The following THSD7A variants were observed in gnomAD, a reference collection of about 807,000 sequenced individuals.
THSD7A encodes the protein thrombospondin type 1 domain containing 7A.
In THSD7A, 96 loss-of-function variants were observed where a neutral mutation model predicts 231.3. That is an observed-to-expected ratio of 0.41 (90% CI 0.35 to 0.49). THSD7A has a LOEUF of 0.49. Among genes scored for constraint, THSD7A ranks in the 20% least tolerant of loss-of-function variants. THSD7A has a pLI of 0.05. For missense variants in THSD7A, 2,290 were observed against 2,070.2 expected (o/e 1.11, Z -2.06); for synonymous variants, 940 against 743.3 (o/e 1.26, Z -4.30).
At chr7:11,717,650 A>G (rs1444647005) in intron 1 of THSD7A, among the ~76,000 whole-genome samples, 1 of 151,654 alleles carries the variant, frequency 6.6e-6, no homozygotes, top group Admixed American at 6.6e-5. Flanking sequence ...TATCTGTCTA[A>G]TTCCACAGCA....
intron 6 of THSD7A, among the ~76,000 whole-genome samples, chr7:11,489,994 C>A (rs1405365540): frequency 1.3e-5 from 2 of 151,958 alleles, no homozygotes; most frequent in Non-Finnish European, 2.9e-5. Flanking sequence ...TTTTCAAAAC[C>A]CTTTTTATTC....
intron 23 of THSD7A, among the ~76,000 whole-genome samples, chr7:11,391,054 C>T (rs1047061935): frequency 6.6e-6 from 1 of 152,174 alleles, no homozygotes; most frequent in African/African-American, 2.4e-5. Flanking sequence ...AGGTGTCTCC[C>T]AGTCAGGAGA....
intron 4 of THSD7A, among the ~76,000 whole-genome samples, chr7:11,546,385 C>G (rs1312304191): frequency 6.6e-6 from 1 of 152,172 alleles, no homozygotes; most frequent in African/African-American, 2.4e-5. Flanking sequence ...TGCAGTACAG[C>G]AGGTGCTTAA....
At chr7:11,531,320 G>A (rs998325112) in intron 6 of THSD7A, among the ~76,000 whole-genome samples, 1 of 152,206 alleles carries the variant, frequency 6.6e-6, no homozygotes, top group South Asian at 2.1e-4. Context: ...TCTCAACAAA[G>A]CAACATCAGT....
At chr7:11,739,475 G>T (rs1332650828) in intron 1 of THSD7A, among the ~76,000 whole-genome samples, 1 of 151,934 alleles carries the variant, frequency 6.6e-6, no homozygotes. Flanking sequence ...AAGTGGAAAT[G>T]GAGAAAGAAT....
At chr7:11,740,898 T>C (rs75254487) in intron 1 of THSD7A, among the ~76,000 whole-genome samples, 7,481 of 152,062 alleles carry the variant, frequency 0.049, 204 homozygotes, top group East Asian at 0.14. Flanking sequence ...TACATAAATA[T>C]TTGCAGTATT....
chr7:11,380,788 G>C (rs980766961), intron 24 of THSD7A, among the ~76,000 whole-genome samples: 1 of 152,140 alleles, frequency 6.6e-6, no homozygotes, highest in African/African-American at 2.4e-5. Flanking sequence ...AATGCATATA[G>C]AGCTTAACAC....
intron 1 of THSD7A, among the ~76,000 whole-genome samples, chr7:11,696,364 C>A (rs1780399120): frequency 6.6e-6 from 1 of 151,470 alleles, no homozygotes; most frequent in African/African-American, 2.4e-5. Flanking sequence ...AAAAATATAG[C>A]TGGAAGATAT....
intron 6 of THSD7A, among the ~76,000 whole-genome samples, chr7:11,497,810 G>C (rs1319676042): frequency 6.6e-6 from 1 of 152,116 alleles, no homozygotes; most frequent in Non-Finnish European, 1.5e-5. Flanking sequence ...GACTCACAGA[G>C]AGGGAAGAAA....
At chr7:11,379,030 A>G (rs919267017) in intron 26 of THSD7A, 40 bp downstream of exon 26, 20 of 1,600,446 alleles carry the variant, frequency 1.2e-5, no homozygotes, top group South Asian at 8.9e-5. Context: ...GCCTAAAAGA[A>G]CTAAAGGTTT....
chr7:11,699,474 T>A (rs1342341103), intron 1 of THSD7A, among the ~76,000 whole-genome samples: 1 of 151,240 alleles, frequency 6.6e-6, no homozygotes, highest in African/African-American at 2.4e-5. Flanking sequence ...AATTTTCTTA[T>A]CAGTTTGTTT....
intron 1 of THSD7A, among the ~76,000 whole-genome samples, chr7:11,828,531 T>A (rs1785095689): frequency 6.6e-6 from 1 of 152,200 alleles, no homozygotes; most frequent in South Asian, 2.1e-4. Flanking sequence ...TGTAATTGTG[T>A]ACTTATAGTG....
intron 23 of THSD7A, among the ~76,000 whole-genome samples, chr7:11,389,421 CTTTTTTTTTTTTTTTTTTTTTTTTTTT>C (rs57755425): frequency 1.1e-4 from 4 of 37,588 alleles, no homozygotes; most frequent in Admixed American, 4.1e-4. Flanking sequence ...GCAACTCCTG[CTTTTTTTTTTTTTTTTTTTTTTTTTTT>C]TTTTTTTTTT....
intron 1 of THSD7A, among the ~76,000 whole-genome samples, chr7:11,766,183 C>G (rs1783023956): frequency 6.6e-6 from 1 of 152,116 alleles, no homozygotes; most frequent in Non-Finnish European, 1.5e-5. Context: ...TGGTGTATAT[C>G]TTTAACTATG....
At chr7:11,796,062 ATATATATATATATATT>A (rs1481813026) in intron 1 of THSD7A, among the ~76,000 whole-genome samples, 1 of 108,498 alleles carries the variant, frequency 9.2e-6, no homozygotes, top group African/African-American at 4.0e-5. Flanking sequence ...ATATATATAT[ATATATATATATATATT>A]TGGATCAGTA....
chr7:11,377,791 C>A lies in THSD7A; in HGVS notation c.4802-1134G>T, dbSNP rs556108096. ...ATATCTAAGTTTTCAGAACATGCAC[C>A]TTTTAAATATTTTAAAATTTTAACT... On this transcript the variant is annotated intron_variant, in intron 26 of 27. Transcript: ENST00000423059. The surrounding 1 kb of genome is among the most constrained non-coding windows in gnomAD (Gnocchi z 4.5). The A allele has an allele frequency of 1.9e-4, 29 of 151,740 alleles. No individual in the cohort carries two copies. The South Asian group carries it at 5.9e-3, about 31-fold the overall frequency. The allele number at this position is 151,740 out of a possible 1,614,324, so 9.4% of individuals were successfully genotyped here. A position where few individuals can be genotyped will look rare whatever the true frequency, so the allele number is the denominator to read the frequency against.
rs558912550 is a variant in THSD7A, at chr7:11,556,183, TTTTGA to T, written c.1454-13071_1454-13067del. Among the ~76,000 whole-genome samples the T allele has an allele frequency of 1.1e-4, 17 of 151,862 alleles. No homozygotes were observed. In the East Asian group the frequency reaches 3.1e-3, roughly 28 times the overall value. Reference sequence around the variant, plus strand: ...TGAGTTAACACATTTTAGAATACCATTTTGATTTATCTACAGTGTTTTTGAGTGCA... The same window carrying T: ...TGAGTTAACACATTTTAGAATACCATTTTATCTACAGTGTTTTTGAGTGCA... On this transcript the variant is annotated intron_variant, in intron 4 of 27. Transcript: ENST00000423059.
rs560180633 is a variant in THSD7A at position 11,475,617 on chromosome 7, C to CAT, written c.2018-1051_2018-1050dup. ...TATAACATATATATAACATATATAA[C>CAT]ATATATATAACATATATATGCATAC... On this transcript the variant is annotated intron_variant, in intron 7 of 27. Transcript: ENST00000423059. 1.1e-3 allele frequency among the ~76,000 whole-genome samples: 163 copies of CAT among 147,874 alleles called. 1 individual carries two copies. The highest frequency in any genetic ancestry group is 3.8e-3 in the African/African-American group (154 of 40,568).
intron 4 of THSD7A, among the ~76,000 whole-genome samples, chr7:11,576,996 A>G (rs1048668493): frequency 6.6e-6 from 1 of 152,218 alleles, no homozygotes; most frequent in African/African-American, 2.4e-5. Context: ...AGAGTCAAAA[A>G]CAAGGCATTG....
Sources: gnomAD v4.1 joint callset for allele counts (sites outside exome capture counted in the v4.1 genomes callset) on GRCh38, gnomAD v4.1.1 for gene constraint, Gnocchi (gnomAD v3.1) non-coding constraint, MANE v1.5 for transcripts, NCBI Gene and HGNC (gene_info 2026-07-23, HGNC 2026-07-21) for gene names.